PLXNA4: variants seen among roughly 807,000 people sequenced by gnomAD.
The protein encoded by PLXNA4 is plexin-A4.
Under a neutral mutation model 191.8 loss-of-function variants are expected in PLXNA4, and 44 were observed. The observed-to-expected ratio is 0.23, with a 90% confidence interval of 0.18 to 0.29. The LOEUF (loss-of-function observed/expected upper bound fraction) is 0.29. Ranked by LOEUF, PLXNA4 falls within the 10% of genes least tolerant of loss-of-function variation. The probability of loss-of-function intolerance (pLI) is 1.00; values close to 1 mark genes in which losing one functional copy is unlikely to be tolerated. For synonymous variants in PLXNA4, 1,082 were observed against 1,009.5 expected, an observed-to-expected ratio of 1.07 and a Z score of -1.36; for missense variants, 1,800 against 2,488.8, an observed-to-expected ratio of 0.72 and a Z score of 5.89.
At chr7:132,265,813 G>A (rs1009688588) in intron 4 of PLXNA4, among the ~76,000 whole-genome samples, 12 of 152,194 alleles carry the variant, frequency 7.9e-5, no homozygotes, top group Admixed American at 2.6e-4. Flanking sequence ...TCATCTAGAA[G>A]CCAGCAGCCA....
intron 24 of PLXNA4, among the ~76,000 whole-genome samples, chr7:132,161,807 T>G (rs1795958784): frequency 6.6e-6 from 1 of 152,088 alleles, no homozygotes; most frequent in Non-Finnish European, 1.5e-5. Context: ...GGCTACCAGG[T>G]AGGCATCTAG....
At position 132,194,138 on chromosome 7, in the gene PLXNA4, G is replaced by A. The variant is rs766538861; in HGVS notation, c.2780C>T (p.Ala927Val). 5 of 1,613,988 alleles carry A rather than the reference G, an allele frequency of 3.1e-6. No individual in the cohort carries two copies. In the Admixed American group the frequency reaches 6.7e-5, roughly 22 times the overall value. ...EMGEAKPSQHAGFVEICVAVC... is the reference protein window; with the variant it reads ...EMGEAKPSQHVGFVEICVAVC... ...AGCCACGCAGATCTCCACGAAGCCTGCATGCTGGCTGGGCTTGGCCTCCCC... is the reference window on the plus strand; with the variant it reads ...AGCCACGCAGATCTCCACGAAGCCTACATGCTGGCTGGGCTTGGCCTCCCC... Residue 927 changes from alanine (A) to valine (V), a missense_variant, in exon 14 of 32, where the codon GCA becomes GTA. Ala to Val is a moderately conservative substitution (Grantham distance 64). Transcript: ENST00000321063.
intron 3 of PLXNA4, chr7:132,367,511 A>C (rs1804237384): frequency 6.7e-6 from 1 of 148,886 alleles, no homozygotes; most frequent in African/African-American, 2.5e-5. Context: ...GGTATTGGGA[A>C]GAAAGGATGA....
chr7:132,384,928 G>A (rs1805058552), intron 3 of PLXNA4: 1 of 1,284,460 alleles, frequency 7.8e-7, no homozygotes, highest in Admixed American at 3.6e-5. Flanking sequence ...AACACCACAA[G>A]AGTCAAACAT....
chr7:132,583,803 C>T (rs1802454820), intron 2 of PLXNA4, among the ~76,000 whole-genome samples: 1 of 152,178 alleles, frequency 6.6e-6, no homozygotes, highest in African/African-American at 2.4e-5. Flanking sequence ...TGACTGTAAC[C>T]TTCACAAATG....
At chr7:132,440,460 A>C (rs1251313194) in intron 3 of PLXNA4, among the ~76,000 whole-genome samples, 1 of 152,226 alleles carries the variant, frequency 6.6e-6, no homozygotes, top group African/African-American at 2.4e-5. Flanking sequence ...CAGGTAATTT[A>C]TTCTGTGGCA....
chr7:132,540,569 C>CTTTTTTTTTTTTTTTTTTTTTTTTTT (rs71915138), intron 1 of PLXNA4, among the ~76,000 whole-genome samples: 1 of 60,976 alleles, frequency 1.6e-5, no homozygotes, highest in Non-Finnish European at 2.7e-5. Flanking sequence ...GTGGACCGTT[C>CTTTTTTTTTTTTTTTTTTTTTTTTTT]TTTTTTTTTT....
chr7:132,318,390 G>A (rs1468919908), intron 3 of PLXNA4, among the ~76,000 whole-genome samples: 7 of 152,216 alleles, frequency 4.6e-5, no homozygotes. Context: ...ATATCAGTAT[G>A]TGCTCACTTG....
intron 2 of PLXNA4, among the ~76,000 whole-genome samples, chr7:132,638,515 GATGGTGT>G (rs1329084055): frequency 6.6e-6 from 1 of 152,152 alleles, no homozygotes; most frequent in African/African-American, 2.4e-5. Flanking sequence ...AACTGGGCGT[GATGGTGT>G]GTGCCTGTAA....
intron 17 of PLXNA4, 37 bp from the exon 18 acceptor site, chr7:132,181,657 T>G (rs1796711591): frequency 4.4e-6 from 7 of 1,608,576 alleles, no homozygotes; most frequent in Non-Finnish European, 5.9e-6. Context: ...CTATGCAGTA[T>G]CTCCACATAC....
chr7:132,562,671 CT>C (rs1801273515), intron 1 of PLXNA4, among the ~76,000 whole-genome samples: 1 of 100,496 alleles, frequency 1.0e-5, no homozygotes, highest in Non-Finnish European at 2.0e-5. Flanking sequence ...TCTCTTCCTC[CT>C]CCTCCTCCTC....
intron 9 of PLXNA4, among the ~76,000 whole-genome samples, chr7:132,222,854 G>A (rs1286222535): frequency 2.0e-5 from 3 of 152,172 alleles, no homozygotes; most frequent in South Asian, 2.1e-4. Flanking sequence ...TAGCCTTAGA[G>A]CCAAACAGTA....
At chr7:132,641,696 T>C (rs1803746206) in intron 2 of PLXNA4, among the ~76,000 whole-genome samples, 1 of 152,226 alleles carries the variant, frequency 6.6e-6, no homozygotes, top group Admixed American at 6.5e-5. Context: ...TATTCCGTTT[T>C]CTTTCTATAT....
chr7:132,132,305 A>G (rs1794951353), intron 31 of PLXNA4, among the ~76,000 whole-genome samples: 1 of 152,214 alleles, frequency 6.6e-6, no homozygotes, highest in Admixed American at 6.5e-5. Context: ...GGCCAGAAAG[A>G]AGGCCTTGTA....
At position 132,179,932 on chromosome 7, in the gene PLXNA4, A is replaced by G. The variant is rs777675325; in HGVS notation, c.3640-11T>C. 6 of 1,600,154 alleles carry G rather than the reference A, an allele frequency of 3.7e-6. No individual in the cohort carries two copies. In the South Asian group the frequency reaches 6.7e-5, roughly 18 times the overall value. ...GCCACCGACACGGGCCTGGGGGCACACAGGGCAAGAGGGAGCTGGGTGTGG... is the reference window on the plus strand; with the variant it reads ...GCCACCGACACGGGCCTGGGGGCACGCAGGGCAAGAGGGAGCTGGGTGTGG... On this transcript the variant is annotated splice_polypyrimidine_tract_variant and intron_variant, in intron 19 of 31. Coordinates refer to ENST00000321063, the MANE Select transcript of PLXNA4 (RefSeq NM_020911.2).
intron 4 of PLXNA4, among the ~76,000 whole-genome samples, chr7:132,267,105 T>C (rs1799887973): frequency 6.6e-6 from 1 of 152,272 alleles, no homozygotes; most frequent in Admixed American, 6.5e-5. Flanking sequence ...ACCACCCAAG[T>C]AAGGAGCATC....
intron 3 of PLXNA4, among the ~76,000 whole-genome samples, chr7:132,479,797 G>A (rs1044969167): frequency 2.6e-5 from 4 of 152,066 alleles, no homozygotes; most frequent in African/African-American, 9.7e-5. Context: ...CTACAGGCAT[G>A]TACCATCATT....
At chr7:132,455,009 C>T (rs923975000) in intron 3 of PLXNA4, among the ~76,000 whole-genome samples, 4 of 152,166 alleles carry the variant, frequency 2.6e-5, no homozygotes, top group Non-Finnish European at 5.9e-5. Flanking sequence ...GAAGCAGGTT[C>T]TGTGTATCCC....
chr7:132,606,743 C>T (rs1346536934), intron 2 of PLXNA4, among the ~76,000 whole-genome samples: 7 of 152,136 alleles, frequency 4.6e-5, no homozygotes, highest in African/African-American at 1.4e-4. Context: ...ACAGGGCCAC[C>T]CCTGACTTTA....
Sources: gnomAD v4.1 joint callset for allele counts (sites outside exome capture counted in the v4.1 genomes callset) on GRCh38, gnomAD v4.1.1 for gene constraint, MANE v1.5 for transcripts, NCBI Gene and HGNC (gene_info 2026-07-23, HGNC 2026-07-21) for gene names.